CHRM2: variants seen among roughly 807,000 people sequenced by gnomAD.
The protein encoded by CHRM2 is muscarinic acetylcholine receptor M2.
Under a neutral mutation model 25.0 loss-of-function variants are expected in CHRM2, and 8 were observed. The observed-to-expected ratio is 0.32, with a 90% CI of 0.19 to 0.58. CHRM2 has a LOEUF of 0.58. Ranked by LOEUF, CHRM2 falls within the 20% of genes least tolerant of loss-of-function variation. The pLI is 0.88. For synonymous variants in CHRM2, 202 were observed against 205.7 expected (o/e 0.98, Z 0.15); for missense variants, 440 against 567.1 (o/e 0.78, Z 2.28).
At chr7:137,010,787 A>C (rs1804753841) in intron 3 of CHRM2, among the ~76,000 whole-genome samples, 1 of 152,024 alleles carries the variant, frequency 6.6e-6, no homozygotes. Flanking sequence ...CCTGAGTAAG[A>C]ATTCCAGTTT....
chr7:137,011,194 CGTGTGTGT>C (rs146093146), intron 3 of CHRM2, among the ~76,000 whole-genome samples: 12 of 136,362 alleles, frequency 8.8e-5, no homozygotes, highest in Non-Finnish European at 1.2e-4. Context: ...TATATGTGTA[CGTGTGTGT>C]GTGTGTGTGT....
At chr7:136,945,499 C>A (rs1432707573) in intron 2 of CHRM2, among the ~76,000 whole-genome samples, 2 of 151,972 alleles carry the variant, frequency 1.3e-5, no homozygotes, top group African/African-American at 4.8e-5. Context: ...CCTTTCCCCA[C>A]TTTGTTTGTG....
At chr7:136,874,102 C>T (rs911985912) in intron 2 of CHRM2, among the ~76,000 whole-genome samples, 3 of 152,206 alleles carry the variant, frequency 2.0e-5, no homozygotes, top group African/African-American at 7.2e-5. Context: ...AGAACACACA[C>T]ATCCCAATCC....
intron 2 of CHRM2, among the ~76,000 whole-genome samples, chr7:136,986,832 G>A (rs976405850): frequency 6.6e-6 from 1 of 152,118 alleles, no homozygotes; most frequent in Non-Finnish European, 1.5e-5. Context: ...AGATTGAACA[G>A]AAGTTTTAGG....
chr7:136,893,650 C>T (rs1424927893), intron 2 of CHRM2, among the ~76,000 whole-genome samples: 2 of 152,156 alleles, frequency 1.3e-5, no homozygotes, highest in East Asian at 1.9e-4. Flanking sequence ...GGACCTCTGC[C>T]GTCCTTCAGT....
At chr7:136,910,740 G>A (rs1241932825) in intron 2 of CHRM2, among the ~76,000 whole-genome samples, 1 of 151,474 alleles carries the variant, frequency 6.6e-6, no homozygotes, top group Non-Finnish European at 1.5e-5. Context: ...TGTTAGTGAT[G>A]AGTAGTTTCT....
At chr7:137,005,851 G>A (rs533004013) in intron 3 of CHRM2, among the ~76,000 whole-genome samples, 14 of 151,980 alleles carry the variant, frequency 9.2e-5, no homozygotes, top group Non-Finnish European at 1.6e-4. Flanking sequence ...GCAGCCTGCC[G>A]ACTTTAGGAA....
chr7:136,977,765 T>G (rs530732900), intron 2 of CHRM2, among the ~76,000 whole-genome samples: 1 of 152,330 alleles, frequency 6.6e-6, no homozygotes, highest in African/African-American at 2.4e-5. Context: ...TCAATCATTT[T>G]TCTTGTTGCA....
At chr7:136,986,460 G>A (rs1802859973) in intron 2 of CHRM2, among the ~76,000 whole-genome samples, 2 of 152,010 alleles carry the variant, frequency 1.3e-5, no homozygotes, top group African/African-American at 2.4e-5. Flanking sequence ...AGGAAAGCAG[G>A]GTGTATAAAC....
intron 2 of CHRM2, among the ~76,000 whole-genome samples, chr7:136,910,669 C>A (rs1370138527): frequency 6.6e-6 from 1 of 151,948 alleles, no homozygotes; most frequent in Non-Finnish European, 1.5e-5. Flanking sequence ...CTTTCACCAG[C>A]ATGTTGTCTT....
intron 2 of CHRM2, among the ~76,000 whole-genome samples, chr7:136,915,898 G>A (rs561463819): frequency 1.1e-4 from 17 of 150,374 alleles, no homozygotes; most frequent in South Asian, 6.3e-4. Flanking sequence ...GTGAAAGTGC[G>A]TATTGGAGAA....
chr7:137,001,085 C>T (rs1414551892), intron 3 of CHRM2, among the ~76,000 whole-genome samples: 1 of 152,116 alleles, frequency 6.6e-6, no homozygotes, highest in East Asian at 1.9e-4. Flanking sequence ...TAAAGCACAG[C>T]TTGGAAATCT....
chr7:136,969,761 T>TCATTATTGCTTATCATTTTAA (rs1801643617), intron 2 of CHRM2, among the ~76,000 whole-genome samples: 1 of 152,212 alleles, frequency 6.6e-6, no homozygotes, highest in Non-Finnish European at 1.5e-5. Context: ...AATGCTGCTT[T>TCATTATTGCTTATCATTTTAA]CATTATTGCT....
chr7:136,937,130 G>A (rs1240840597), intron 2 of CHRM2, among the ~76,000 whole-genome samples: 1 of 152,154 alleles, frequency 6.6e-6, no homozygotes, highest in East Asian at 1.9e-4. Flanking sequence ...AATAAAAATA[G>A]GTAGTTTTCA....
chr7:136,889,255 G>A (rs1796599387), intron 2 of CHRM2, among the ~76,000 whole-genome samples: 1 of 152,042 alleles, frequency 6.6e-6, no homozygotes, highest in Non-Finnish European at 1.5e-5. Flanking sequence ...CTGGATGGCT[G>A]GTGCTTGGTG....
Position 136,895,284 on chromosome 7 carries a change from A to G in CHRM2, c.-125+25866A>G, listed in dbSNP as rs1796849279. Among the ~76,000 whole-genome samples the G allele has an allele frequency of 2.0e-5, 3 of 152,324 alleles. No homozygotes were observed. The South Asian group carries it at 6.2e-4, about 32-fold the overall frequency. ...ATAATGTATAATTTGAGTATGTATAAGGAGAATCTATGTCCTAACAACTTT... is the reference window on the plus strand; with the variant it reads ...ATAATGTATAATTTGAGTATGTATAGGGAGAATCTATGTCCTAACAACTTT... On this transcript the variant is annotated intron_variant, in intron 2 of 3. Coordinates refer to ENST00000680005, the MANE Select transcript of CHRM2 (RefSeq NM_001006630.2).
intron 2 of CHRM2, among the ~76,000 whole-genome samples, chr7:136,910,935 T>C (rs780396361): frequency 1.6e-4 from 24 of 152,006 alleles, no homozygotes; most frequent in Non-Finnish European, 3.2e-4. Context: ...CTTCATATTT[T>C]ATATGTCCCC....
intron 2 of CHRM2, among the ~76,000 whole-genome samples, chr7:136,956,908 C>T (rs28628071): frequency 0.015 from 2,248 of 152,148 alleles, 52 homozygotes; most frequent in African/African-American, 0.052. Context: ...CCTCTCTTCC[C>T]GCTGACTCCT....
rs977238046 is a variant in CHRM2 at position 136,870,435 on chromosome 7, G to C, written c.-125+1017G>C. 3.9e-5 allele frequency: 6 copies of C among 152,502 alleles called. No individual in the cohort carries two copies. The East Asian group carries it at 1.2e-3, about 30-fold the overall frequency. The allele number at this position is 152,502 out of a possible 1,614,324, so 9.4% of individuals were successfully genotyped here. Reference sequence around the variant, plus strand: ...GGTAAGTAGAGACTCATCTGGGAGAGGTGAAAATTCCCCAGAATTATTGAC... The same window carrying C: ...GGTAAGTAGAGACTCATCTGGGAGACGTGAAAATTCCCCAGAATTATTGAC... On this transcript the variant is annotated intron_variant, in intron 2 of 3. Coordinates refer to ENST00000680005, the MANE Select transcript of CHRM2 (RefSeq NM_001006630.2).
Sources: gnomAD v4.1 joint callset for allele counts (sites outside exome capture counted in the v4.1 genomes callset) on GRCh38, gnomAD v4.1.1 for gene constraint, MANE v1.5 for transcripts, NCBI Gene and HGNC (gene_info 2026-07-23, HGNC 2026-07-21) for gene names.